Variants in COL28A1 observed in about 807,000 individuals in gnomAD.
COL28A1 encodes the protein collagen alpha-1(XXVIII) chain.
Under a neutral mutation model 150.2 loss-of-function variants are expected in COL28A1, and 161 were observed. That is an observed-to-expected ratio of 1.07 (90% CI 0.94 to 1.22). The LOEUF (loss-of-function observed/expected upper bound fraction) is 1.22. Ranked by LOEUF, COL28A1 falls within the 50% of genes most tolerant of loss-of-function variation. The probability of loss-of-function intolerance (pLI) is 0.00; values close to 1 mark genes in which losing one functional copy is unlikely to be tolerated. For synonymous variants in COL28A1, 552 were observed against 469.7 expected (o/e 1.18, Z -2.26); for missense variants, 1,617 against 1,388.3 (o/e 1.16, Z -2.62).
intron 13 of COL28A1, among the ~76,000 whole-genome samples, chr7:7,477,729 G>A (rs1050546144): frequency 2.6e-5 from 4 of 152,168 alleles, no homozygotes; most frequent in African/African-American, 7.2e-5. Context: ...ACAGCAGTAA[G>A]ATATACAGCA....
chr7:7,494,436 A>G (rs925718046), intron 11 of COL28A1, among the ~76,000 whole-genome samples: 1 of 152,192 alleles, frequency 6.6e-6, no homozygotes, highest in African/African-American at 2.4e-5. Context: ...ATCATTTACT[A>G]ACAATTTTAG....
chr7:7,383,643 C>A (rs930247042), intron 27 of COL28A1, among the ~76,000 whole-genome samples: 18 of 137,096 alleles, frequency 1.3e-4, no homozygotes, highest in Non-Finnish European at 1.4e-4. Flanking sequence ...TTTAAAAAAA[C>A]CTCAATATTA....
intron 27 of COL28A1, among the ~76,000 whole-genome samples, chr7:7,384,848 G>C (rs944414989): frequency 1.3e-5 from 2 of 152,160 alleles, no homozygotes; most frequent in Non-Finnish European, 2.9e-5. Flanking sequence ...CAAAAAAAAG[G>C]AGAGGAGAAA....
chr7:7,530,256 G>A (rs1311420590), intron 3 of COL28A1, among the ~76,000 whole-genome samples: 1 of 152,062 alleles, frequency 6.6e-6, no homozygotes, highest in African/African-American at 2.4e-5. Context: ...AATATATAAA[G>A]TGTTCAGGAA....
intron 15 of COL28A1, among the ~76,000 whole-genome samples, chr7:7,461,860 C>T (rs982426945): frequency 1.3e-5 from 2 of 152,146 alleles, no homozygotes; most frequent in East Asian, 3.8e-4. Context: ...AGGCCCTGTC[C>T]ACCACCTGTT....
At chr7:7,407,026 A>G (rs1418937503) in intron 27 of COL28A1, among the ~76,000 whole-genome samples, 1 of 152,156 alleles carries the variant, frequency 6.6e-6, no homozygotes, top group East Asian at 1.9e-4. Context: ...TGAAAAATGT[A>G]ACTGAAACTA....
intron 27 of COL28A1, among the ~76,000 whole-genome samples, chr7:7,391,031 G>C (rs71533372): frequency 0.1 from 15,944 of 152,072 alleles, 900 homozygotes; most frequent in Middle Eastern, 0.16. Flanking sequence ...TTTTGAATTT[G>C]TTTGGTCTTG....
Position 7,490,591 on chromosome 7 carries a change from T to G in COL28A1, c.1082A>C (p.Gln361Pro), listed in dbSNP as rs757811778. 1.5e-6 allele frequency: 2 copies of G among 1,340,546 alleles called. No homozygotes were observed. Among genetic ancestry groups the G allele is most frequent in the Non-Finnish European group, 2.1e-6 (2 of 931,182 alleles). The allele number at this position is 1,340,546 out of a possible 1,614,324, so 83.0% of individuals were successfully genotyped here. The change falls in exon 12 of 35, where the codon CAG becomes CCG. Residue 361 changes from glutamine to proline, a missense_variant. By Grantham distance (76) the Gln-to-Pro change is moderately conservative. Transcript: ENST00000399429. ...AAGTATCTTTACCTTAATACCTTGC[T>G]GTCCAATTCCAGGAGCTCCTGGAGA... ...YGSPGAPGIGQQGIKGERGQE... is the reference protein window; with the variant it reads ...YGSPGAPGIGPQGIKGERGQE...
At chr7:7,541,852 G>T in the COL28A1 span, among the ~76,000 whole-genome samples, 1 of 151,998 alleles carries the variant, frequency 6.6e-6, no homozygotes, top group Non-Finnish European at 1.5e-5. Context: ...TCTACTATAT[G>T]TGAGGCACTG....
the COL28A1 span, among the ~76,000 whole-genome samples, chr7:7,542,816 G>C: frequency 6.6e-6 from 1 of 152,132 alleles, no homozygotes; most frequent in African/African-American, 2.4e-5. Flanking sequence ...AACTTACTAT[G>C]ACACCAATGA....
At chr7:7,362,833 T>C (rs1382735306) in intron 33 of COL28A1, among the ~76,000 whole-genome samples, 1 of 152,176 alleles carries the variant, frequency 6.6e-6, no homozygotes, top group African/African-American at 2.4e-5. Context: ...AATTTAAAGC[T>C]AGAGGAAAAC....
At chr7:7,380,617 G>A in intron 30 of COL28A1, 43 bp downstream of exon 30, 8 of 1,557,914 alleles carry the variant, frequency 5.1e-6, no homozygotes, top group Non-Finnish European at 7.0e-6. Flanking sequence ...CAACAATTTT[G>A]CAAGCACAAA....
chr7:7,451,363 C>A (rs1002778477), intron 18 of COL28A1, among the ~76,000 whole-genome samples: 2 of 151,924 alleles, frequency 1.3e-5, no homozygotes, highest in African/African-American at 2.4e-5. Context: ...GTAGCTGGGA[C>A]TACAAGCACG....
At chr7:7,372,271 T>G (rs60151687) in intron 32 of COL28A1, among the ~76,000 whole-genome samples, 1 of 151,418 alleles carries the variant, frequency 6.6e-6, no homozygotes, top group East Asian at 2.0e-4. Flanking sequence ...TGGTGGCGCG[T>G]GCCTGTAGTC....
intron 17 of COL28A1, among the ~76,000 whole-genome samples, chr7:7,452,913 T>C (rs558313053): frequency 7.9e-5 from 12 of 152,334 alleles, no homozygotes; most frequent in African/African-American, 2.9e-4. Context: ...TTAACAATGA[T>C]TCATGATTCT....
chr7:7,405,351 AAGAT>A (rs970269024), intron 27 of COL28A1, among the ~76,000 whole-genome samples: 2 of 152,196 alleles, frequency 1.3e-5, no homozygotes, highest in Non-Finnish European at 2.9e-5. Flanking sequence ...ATGGTAATTT[AAGAT>A]AGATTGACGT....
At chr7:7,390,936 T>C (rs1375599030) in intron 27 of COL28A1, among the ~76,000 whole-genome samples, 1 of 152,218 alleles carries the variant, frequency 6.6e-6, no homozygotes, top group East Asian at 1.9e-4. Flanking sequence ...AGCTCCTGGA[T>C]TCACTGATTT....
intron 13 of COL28A1, among the ~76,000 whole-genome samples, chr7:7,484,217 A>C (rs1288043617): frequency 6.6e-6 from 1 of 152,200 alleles, no homozygotes; most frequent in Non-Finnish European, 1.5e-5. Flanking sequence ...TAAAGCAAAA[A>C]TGAATTACTA....
chr7:7,493,906 C>T (rs1014316138), intron 11 of COL28A1, among the ~76,000 whole-genome samples: 4 of 152,036 alleles, frequency 2.6e-5, no homozygotes, highest in Admixed American at 6.6e-5. Context: ...ATTGCATGCC[C>T]ACAGTAATTA....
Sources: gnomAD v4.1 joint callset for allele counts (sites outside exome capture counted in the v4.1 genomes callset) on GRCh38, gnomAD v4.1.1 for gene constraint, MANE v1.5 for transcripts, NCBI Gene and HGNC (gene_info 2026-07-23, HGNC 2026-07-21) for gene names.